Variants in KCNN2 observed in about 807,000 individuals in gnomAD.
The protein encoded by KCNN2 is small conductance calcium-activated potassium channel protein 2.
In KCNN2, 24 loss-of-function variants were observed where a neutral mutation model predicts 55.5. That is an observed-to-expected ratio of 0.43 (90% CI 0.31 to 0.61). The LOEUF (loss-of-function observed/expected upper bound fraction) is 0.61, where lower values mean the gene tolerates loss of function less well. Ranked by LOEUF, KCNN2 falls within the 20% of genes least tolerant of loss-of-function variation. The pLI is 0.08. For missense variants in KCNN2, 754 were observed against 853.6 expected (o/e 0.88, Z 1.45); for synonymous variants, 431 against 336.1 (o/e 1.28, Z -3.09).
chr5:114,081,528 G>A (rs1276986097), intron 1 of KCNN2, among the ~76,000 whole-genome samples: 11 of 152,188 alleles, frequency 7.2e-5, no homozygotes, highest in Admixed American at 6.5e-5. Flanking sequence ...ACAATTCAAT[G>A]GAGAAAGTGC....
At chr5:114,087,710 A>G (rs1386410118) in intron 1 of KCNN2, among the ~76,000 whole-genome samples, 2 of 151,378 alleles carry the variant, frequency 1.3e-5, no homozygotes, top group Non-Finnish European at 1.5e-5. Context: ...TCTTGACTTC[A>G]TTTGGATTAA....
intron 5 of KCNN2, among the ~76,000 whole-genome samples, chr5:114,478,030 A>G (rs72801867): frequency 0.14 from 21,003 of 152,212 alleles, 1,642 homozygotes; most frequent in Middle Eastern, 0.19. Flanking sequence ...TCACTTGGCT[A>G]TGCCCTGTTC....
intron 1 of KCNN2, among the ~76,000 whole-genome samples, chr5:114,210,969 A>C (rs1295774637): frequency 6.6e-6 from 1 of 152,184 alleles, no homozygotes; most frequent in Non-Finnish European, 1.5e-5. Flanking sequence ...AAAAAAGCTC[A>C]ATATCACTGA....
intron 2 of KCNN2, among the ~76,000 whole-genome samples, chr5:114,260,237 A>G (rs964797222): frequency 5.3e-5 from 8 of 152,216 alleles, no homozygotes; most frequent in African/African-American, 1.9e-4. Context: ...AAATCAGACC[A>G]TATCACTCCC....
intron 2 of KCNN2, among the ~76,000 whole-genome samples, chr5:114,279,935 A>G (rs1004973950): frequency 2.6e-5 from 4 of 152,134 alleles, no homozygotes; most frequent in Admixed American, 6.5e-5. Context: ...AAGTGTTCCT[A>G]TTTCTCCACA....
At chr5:114,273,909 A>T (rs1755425825) in intron 2 of KCNN2, among the ~76,000 whole-genome samples, 1 of 152,214 alleles carries the variant, frequency 6.6e-6, no homozygotes, top group Non-Finnish European at 1.5e-5. Flanking sequence ...TGTTTTAGAC[A>T]TGAAGTCTTT....
At chr5:114,240,796 T>C (rs942015318) in intron 2 of KCNN2, among the ~76,000 whole-genome samples, 10 of 152,136 alleles carry the variant, frequency 6.6e-5, no homozygotes, top group Admixed American at 2.6e-4. Flanking sequence ...ATTACTCAAG[T>C]AGTATTTTGA....
intron 2 of KCNN2, among the ~76,000 whole-genome samples, chr5:114,286,737 C>A (rs1445332142): frequency 6.6e-6 from 1 of 152,020 alleles, no homozygotes; most frequent in Non-Finnish European, 1.5e-5. Context: ...CAATGAGTTT[C>A]TAGTACAGAG....
chr5:114,363,856 G>T (rs777389208), intron 1 of KCNN2, 50 bp from the exon 2 acceptor site: 7 of 1,378,158 alleles, frequency 5.1e-6, no homozygotes, highest in African/African-American at 2.8e-5. Flanking sequence ...CGTGGAAGGC[G>T]GTTAAAAGTG....
intron 2 of KCNN2, among the ~76,000 whole-genome samples, chr5:114,237,580 C>G (rs949796725): frequency 6.6e-6 from 1 of 152,106 alleles, no homozygotes; most frequent in Admixed American, 6.5e-5. Flanking sequence ...ACTAAGAAAG[C>G]AGCTTCACTT....
At chr5:114,092,551 G>A (rs1371495011) in intron 1 of KCNN2, among the ~76,000 whole-genome samples, 1 of 152,124 alleles carries the variant, frequency 6.6e-6, no homozygotes, top group Non-Finnish European at 1.5e-5. Context: ...ACTTTCTGTG[G>A]GGGCTCTGAC....
intron 2 of KCNN2, among the ~76,000 whole-genome samples, chr5:114,300,465 T>C (rs1224782175): frequency 6.6e-6 from 1 of 152,160 alleles, no homozygotes. Flanking sequence ...ATAATAAATG[T>C]CAAGAATGAT....
At chr5:114,453,660 T>C (rs1195221943) in intron 3 of KCNN2, among the ~76,000 whole-genome samples, 1 of 152,114 alleles carries the variant, frequency 6.6e-6, no homozygotes, top group African/African-American at 2.4e-5. Context: ...TGTCTGAGAA[T>C]GTATCTTTTT....
At chr5:114,196,101 T>C (rs1267471539) in intron 1 of KCNN2, among the ~76,000 whole-genome samples, 2 of 152,010 alleles carry the variant, frequency 1.3e-5, no homozygotes, top group Non-Finnish European at 2.9e-5. Context: ...CAGTTGAATA[T>C]AAATATAAGC....
intron 1 of KCNN2, among the ~76,000 whole-genome samples, chr5:114,160,585 T>C (rs1752751483): frequency 6.6e-6 from 1 of 152,168 alleles, no homozygotes; most frequent in Non-Finnish European, 1.5e-5. Context: ...CGTTGATCTG[T>C]CTAATGTTGA....
upstream of KCNN2, among the ~76,000 whole-genome samples, chr5:114,359,038 C>T (rs921227824): frequency 2.6e-5 from 4 of 152,120 alleles, no homozygotes; most frequent in African/African-American, 7.2e-5. Context: ...TACAGGTTTA[C>T]CACACTCTCA....
intron 1 of KCNN2, among the ~76,000 whole-genome samples, chr5:114,084,657 T>C (rs887122323): frequency 6.6e-6 from 1 of 152,038 alleles, no homozygotes; most frequent in Non-Finnish European, 1.5e-5. Flanking sequence ...GAGCAGATAA[T>C]TTTAATTTTA....
intron 2 of KCNN2, among the ~76,000 whole-genome samples, chr5:114,274,761 T>C (rs1337544244): frequency 6.6e-6 from 1 of 152,212 alleles, no homozygotes; most frequent in East Asian, 1.9e-4. Flanking sequence ...TTTCTAAATA[T>C]ACTATCATGT....
At chr5:114,349,016 T>G (rs753587304) in intron 2 of KCNN2, among the ~76,000 whole-genome samples, 1 of 152,132 alleles carries the variant, frequency 6.6e-6, no homozygotes, top group Non-Finnish European at 1.5e-5. Context: ...AAAATGTTTT[T>G]GATCATACCA....
Sources: gnomAD v4.1 joint callset for allele counts (sites outside exome capture counted in the v4.1 genomes callset) on GRCh38, gnomAD v4.1.1 for gene constraint, MANE v1.5 for transcripts, NCBI Gene and HGNC (gene_info 2026-07-23, HGNC 2026-07-21) for gene names.